The following CCDC178 variants were observed in gnomAD, a reference collection of about 807,000 sequenced individuals.
CCDC178 encodes the protein coiled-coil domain containing 178.
Under a neutral mutation model 117.4 loss-of-function variants are expected in CCDC178, and 126 were observed. The observed-to-expected ratio is 1.07, with a 90% CI of 0.93 to 1.24. The LOEUF (loss-of-function observed/expected upper bound fraction) is 1.24, where lower values mean the gene tolerates loss of function less well. Among genes scored for constraint, CCDC178 ranks in the 50% most tolerant of loss-of-function variants. CCDC178 has a pLI of 0.00. For missense variants in CCDC178, 1,030 were observed against 986.9 expected (o/e 1.04, Z -0.59); for synonymous variants, 283 against 313.4 (o/e 0.90, Z 1.02).
chr18:33,430,592 G>A (rs895890959), intron 2 of CCDC178, among the ~76,000 whole-genome samples: 4 of 152,102 alleles, frequency 2.6e-5, no homozygotes, highest in African/African-American at 9.7e-5. Context: ...TAAAGCTACA[G>A]TGAAAGAAGC....
intron 21 of CCDC178, among the ~76,000 whole-genome samples, chr18:33,021,375 A>G (rs986371984): frequency 3.3e-5 from 5 of 152,220 alleles, no homozygotes; most frequent in Admixed American, 2.0e-4. Context: ...TTTCAGCTCC[A>G]TATACAAATA....
intron 20 of CCDC178, among the ~76,000 whole-genome samples, chr18:33,156,378 G>A (rs569363480): frequency 7.0e-4 from 106 of 150,942 alleles, no homozygotes; most frequent in Middle Eastern, 3.4e-3. Context: ...GTGAGCCACC[G>A]CACCCTGCTG....
intron 18 of CCDC178, among the ~76,000 whole-genome samples, chr18:33,222,378 C>A (rs2059247555): frequency 1.3e-5 from 2 of 151,544 alleles, no homozygotes; most frequent in African/African-American, 2.4e-5. Context: ...GCTGTTACAA[C>A]AAAACGCCTT....
chr18:33,415,468 G>A (rs949581605), intron 2 of CCDC178, among the ~76,000 whole-genome samples: 37 of 150,838 alleles, frequency 2.5e-4, no homozygotes, highest in African/African-American at 8.5e-4. Context: ...AACAAACACC[G>A]CATGTTCTCA....
At chr18:33,058,333 C>T (rs547693393) in intron 21 of CCDC178, among the ~76,000 whole-genome samples, 47 of 152,202 alleles carry the variant, frequency 3.1e-4, no homozygotes, top group Middle Eastern at 6.8e-3. Context: ...TAATGAAGTA[C>T]GTAAAAATGA....
chr18:33,220,926 G>A (rs1414150051), intron 18 of CCDC178, among the ~76,000 whole-genome samples: 4 of 151,920 alleles, frequency 2.6e-5, no homozygotes, highest in Non-Finnish European at 4.4e-5. Context: ...CACTACCAAG[G>A]ATACTCTCTT....
At chr18:33,268,507 A>C (rs1321012740) in intron 12 of CCDC178, among the ~76,000 whole-genome samples, 1 of 151,866 alleles carries the variant, frequency 6.6e-6, no homozygotes, top group East Asian at 1.9e-4. Flanking sequence ...ATGCAAACAC[A>C]GAACATGTTC....
chr18:33,224,307 A>G (rs2059274771), intron 17 of CCDC178, among the ~76,000 whole-genome samples: 1 of 152,136 alleles, frequency 6.6e-6, no homozygotes, highest in African/African-American at 2.4e-5. Context: ...GGCTAGTGAT[A>G]TCAGTTACTG....
chr18:32,989,364 T>C (rs1440142490), intron 21 of CCDC178, among the ~76,000 whole-genome samples: 3 of 152,208 alleles, frequency 2.0e-5, no homozygotes, highest in African/African-American at 7.2e-5. Flanking sequence ...AGAAACCATA[T>C]GATCATCTTA....
intron 2 of CCDC178, among the ~76,000 whole-genome samples, chr18:33,436,449 A>C (rs541955801): frequency 5.9e-5 from 9 of 152,258 alleles, no homozygotes; most frequent in South Asian, 2.1e-4. Flanking sequence ...GATGCAAAGG[A>C]GGATGCTATT....
At chr18:32,971,048 C>T (rs1321910995) in intron 22 of CCDC178, among the ~76,000 whole-genome samples, 1 of 151,850 alleles carries the variant, frequency 6.6e-6, no homozygotes, top group Non-Finnish European at 1.5e-5. Flanking sequence ...GATACATGTG[C>T]AAAATGTTCA....
At chr18:33,094,124 G>A (rs1471237598) in intron 20 of CCDC178, among the ~76,000 whole-genome samples, 1 of 151,958 alleles carries the variant, frequency 6.6e-6, no homozygotes, top group African/African-American at 2.4e-5. Flanking sequence ...TCTCATGAAA[G>A]GCTGGTATCC....
intron 15 of CCDC178, among the ~76,000 whole-genome samples, chr18:33,231,685 C>T (rs955785210): frequency 3.0e-4 from 45 of 152,086 alleles, no homozygotes; most frequent in Admixed American, 2.9e-3. Context: ...TCCAGTGGAC[C>T]GTTGTTATTT....
chr18:33,418,736 T>A (rs2063982787), intron 2 of CCDC178, among the ~76,000 whole-genome samples: 1 of 152,092 alleles, frequency 6.6e-6, no homozygotes, highest in Non-Finnish European at 1.5e-5. Flanking sequence ...CACAAGCCTA[T>A]TCACAATAAC....
chr18:33,187,963 C>T (rs558602364), intron 20 of CCDC178, among the ~76,000 whole-genome samples: 1 of 152,246 alleles, frequency 6.6e-6, no homozygotes, highest in East Asian at 1.9e-4. Flanking sequence ...ACTCCCTTCA[C>T]CAAGGCTTTG....
At chr18:33,204,696 A>G (rs368304829) in intron 20 of CCDC178, among the ~76,000 whole-genome samples, 30 of 152,294 alleles carry the variant, frequency 2.0e-4, no homozygotes, top group African/African-American at 7.0e-4. Flanking sequence ...GGCTTGATCA[A>G]CTAAGAGATG....
chr18:33,164,426 G>C (rs1007096506), intron 20 of CCDC178, among the ~76,000 whole-genome samples: 1 of 151,870 alleles, frequency 6.6e-6, no homozygotes, highest in African/African-American at 2.4e-5. Context: ...GGATCCATTA[G>C]TATTCTTAAA....
intron 20 of CCDC178, among the ~76,000 whole-genome samples, chr18:33,111,204 C>G (rs1004890128): frequency 3.3e-5 from 5 of 151,374 alleles, no homozygotes; most frequent in African/African-American, 9.7e-5. Context: ...ATACTTGTGG[C>G]TAGTATATGG....
intron 11 of CCDC178, among the ~76,000 whole-genome samples, chr18:33,310,128 A>G (rs1466155882): frequency 6.6e-6 from 1 of 151,880 alleles, no homozygotes; most frequent in African/African-American, 2.4e-5. Flanking sequence ...TGCCTGGCTA[A>G]TTTTTGTATT....
Sources: gnomAD v4.1 joint callset for allele counts (sites outside exome capture counted in the v4.1 genomes callset) on GRCh38, gnomAD v4.1.1 for gene constraint, MANE v1.5 for transcripts, NCBI Gene and HGNC (gene_info 2026-07-23, HGNC 2026-07-21) for gene names.